CCDC90B: variants seen among roughly 807,000 people sequenced by gnomAD.
The protein encoded by CCDC90B is coiled-coil domain containing 90B.
Under a neutral mutation model 37.0 loss-of-function variants are expected in CCDC90B, and 24 were observed. The ratio of observed to expected loss-of-function variants is 0.65; its 90% CI spans 0.47 to 0.91. CCDC90B has a LOEUF of 0.91. CCDC90B is among the 40% of genes least tolerant of loss of function. CCDC90B has a pLI of 0.00. For missense variants in CCDC90B, 319 were observed against 299.0 expected (o/e 1.07, Z -0.49); for synonymous variants, 113 against 101.1 (o/e 1.12, Z -0.71).
Position 83,280,276 on chromosome 11 carries a change from AT to A in CCDC90B, c.101-17del. Reference sequence around the variant, plus strand: ...GTGAAGAACTCTGAAAGAGAAGACAATTTTTTTCTTTTGTAGTAACTGATAG... The same window carrying A: ...GTGAAGAACTCTGAAAGAGAAGACAATTTTTTCTTTTGTAGTAACTGATAG... On this transcript the variant is annotated splice_polypyrimidine_tract_variant and intron_variant, in intron 1 of 8. Transcript: ENST00000529689. 1 of 1,607,098 alleles carries A rather than the reference AT, an allele frequency of 6.2e-7. No homozygotes were observed. The highest frequency in any genetic ancestry group is 1.7e-5 in the Admixed American group (1 of 58,910).
intron 4 of CCDC90B, chr11:83,274,282 A>G: frequency 3.3e-6 from 1 of 304,314 alleles, no homozygotes; most frequent in Non-Finnish European, 5.9e-6. Flanking sequence ...AATTACAGAA[A>G]TATACTTTTA....
rs756244696 is a variant in CCDC90B at position 83,280,123 on chromosome 11, GGTATCCAT to G, written c.220+10_220+17del. ...TGCTATTAATTTTCTTCTTTCAGGA[GGTATCCAT>G]GTTTCTCACCATGAGTTTCCAAGTC... On this transcript the variant is annotated intron_variant, in intron 2 of 8. Coordinates refer to ENST00000529689, the MANE Select transcript of CCDC90B (RefSeq NM_021825.5). 5.6e-6 allele frequency: 9 copies of G among 1,606,036 alleles called. No homozygotes were observed. The highest frequency in any genetic ancestry group is 6.8e-6 in the Non-Finnish European group (8 of 1,178,046).
At chr11:83,269,374 GT>G (rs1864504469) in intron 7 of CCDC90B, among the ~76,000 whole-genome samples, 1 of 151,914 alleles carries the variant, frequency 6.6e-6, no homozygotes, top group Non-Finnish European at 1.5e-5. Context: ...CTAGGAGCTG[GT>G]TTTTTGAAAA....
intron 2 of CCDC90B, among the ~76,000 whole-genome samples, chr11:83,279,347 C>A (rs1175736261): frequency 6.6e-6 from 1 of 151,760 alleles, no homozygotes; most frequent in Admixed American, 6.6e-5. Context: ...TCTGTATCTC[C>A]CCACATCTAC....
At chr11:83,269,582 A>G (rs1864522616) in intron 7 of CCDC90B, among the ~76,000 whole-genome samples, 1 of 152,230 alleles carries the variant, frequency 6.6e-6, no homozygotes, top group African/African-American at 2.4e-5. Context: ...TCCTGGACAC[A>G]TATACCCTCC....
rs141381626 is a variant in CCDC90B, at chr11:83,284,554, A to C, written c.100+1319T>G. Among the ~76,000 whole-genome samples, 435 of 152,346 alleles carry C rather than the reference A, an allele frequency of 2.9e-3. 3 individuals carry two copies. The highest frequency in any genetic ancestry group is 9.8e-3 in the African/African-American group (408 of 41,578). On this transcript the variant is annotated intron_variant, in intron 1 of 8. Coordinates refer to ENST00000529689, the MANE Select transcript of CCDC90B (RefSeq NM_021825.5). The stretch of plus-strand genomic sequence containing the variant: ...AGGTCCTTCCATTGGTCAGAGGTCA[A>C]GGTTTTCAAATCCCTTGATTATTGA...
chr11:83,275,188 C>T (rs2135638992), intron 3 of CCDC90B, among the ~76,000 whole-genome samples: 1 of 152,146 alleles, frequency 6.6e-6, no homozygotes, highest in African/African-American at 2.4e-5. Flanking sequence ...AAATAATTGC[C>T]CTTTGTCCGC....
intron 1 of CCDC90B, 40 bp downstream of exon 1, chr11:83,285,833 G>C: frequency 6.3e-7 from 1 of 1,585,702 alleles, no homozygotes; most frequent in Non-Finnish European, 8.6e-7. Context: ...CGTCTCCCTA[G>C]AGAGCACTCA....
At chr11:83,265,776 CT>C in intron 8 of CCDC90B, 88 bp downstream of exon 8, 13 of 773,224 alleles carry the variant, frequency 1.7e-5, no homozygotes, top group Admixed American at 2.5e-5. Flanking sequence ...CTAGCTCCTC[CT>C]TTTTTTCCTG....
rs780164577 is a variant in CCDC90B at position 83,273,652 on chromosome 11, T to G, written c.589A>C (p.Lys197Gln). Residue 197 changes from lysine (K) to glutamine (Q), a missense_variant, in exon 7 of 9, where the codon AAA becomes CAA. Transcript: ENST00000529689. ...QLMETTTEFT[K>Q]KDTQTKSIIS... The stretch of plus-strand genomic sequence containing the variant: ...ATTTTTACATATTACTTTACCTTTT[T>G]TGTAAATTCTGTAGTTGTTTCCATA... 1.3e-6 allele frequency: 2 copies of G among 1,595,432 alleles called. No individual in the cohort carries two copies. Among genetic ancestry groups the G allele is most frequent in the Admixed American group, 3.5e-5 (2 of 56,760 alleles).
chr11:83,274,496 CAAAT>C (rs1864900528), intron 4 of CCDC90B, 139 bp downstream of exon 4: 1 of 516,702 alleles, frequency 1.9e-6, no homozygotes, highest in East Asian at 3.3e-5. Context: ...TATGGTTAAA[CAAAT>C]AGTATGTTTT....
chr11:83,263,295 A>G (rs1292718315), intron 8 of CCDC90B, among the ~76,000 whole-genome samples: 1 of 152,194 alleles, frequency 6.6e-6, no homozygotes, highest in Admixed American at 6.5e-5. Context: ...CTACTTCAGT[A>G]GAGTATACAA....
At chr11:83,265,291 C>T (rs1864185605) in intron 8 of CCDC90B, among the ~76,000 whole-genome samples, 1 of 152,232 alleles carries the variant, frequency 6.6e-6, no homozygotes, top group Non-Finnish European at 1.5e-5. Flanking sequence ...TCAGTTGATT[C>T]AAGGTAAGGT....
At chr11:83,274,602 A>C in intron 4 of CCDC90B, 37 bp downstream of exon 4, 2 of 1,218,754 alleles carry the variant, frequency 1.6e-6, no homozygotes, top group Non-Finnish European at 2.4e-6. Context: ...TTATGAGATC[A>C]GTTATTTTAT....
At chr11:83,280,793 T>G (rs1414080085) in intron 1 of CCDC90B, among the ~76,000 whole-genome samples, 1 of 152,240 alleles carries the variant, frequency 6.6e-6, no homozygotes, top group Non-Finnish European at 1.5e-5. Flanking sequence ...AGTTCCATGA[T>G]GCTTTGACTG....
At chr11:83,270,856 C>G (rs550152057) in intron 7 of CCDC90B, among the ~76,000 whole-genome samples, 1 of 152,314 alleles carries the variant, frequency 6.6e-6, no homozygotes, top group African/African-American at 2.4e-5. Context: ...AGGCATCAAG[C>G]TACCTGACTT....
chr11:83,282,020 C>G (rs1865410144), intron 1 of CCDC90B, among the ~76,000 whole-genome samples: 1 of 139,944 alleles, frequency 7.1e-6, no homozygotes, highest in African/African-American at 2.6e-5. Flanking sequence ...TGGCTTACCT[C>G]AAGCTTGTCG....
At chr11:83,285,155 A>T in intron 1 of CCDC90B, 1 of 1,274,884 alleles carries the variant, frequency 7.8e-7, no homozygotes, top group Non-Finnish European at 1.0e-6. Context: ...GAAGGTGAAC[A>T]GAGATAAGAG....
rs1863921391 is a variant in CCDC90B at position 83,261,452 on chromosome 11, C to G, written c.*459G>C. 1 of 152,286 alleles carries G rather than the reference C, an allele frequency of 6.6e-6. No homozygotes were observed. Among genetic ancestry groups the G allele is most frequent in the Non-Finnish European group, 1.5e-5 (1 of 68,120 alleles). 9.4% of individuals were successfully genotyped at this position (152,286 alleles called of 1,614,324 possible). On this transcript the variant is annotated 3_prime_UTR_variant, in exon 9 of 9. Transcript: ENST00000529689. ...TGGTAAGTCACTTTGAAAACCCACACAACTTTGTTGTAATAATCTTTCATT... is the reference window on the plus strand; with the variant it reads ...TGGTAAGTCACTTTGAAAACCCACAGAACTTTGTTGTAATAATCTTTCATT...
Sources: gnomAD v4.1 joint callset for allele counts (sites outside exome capture counted in the v4.1 genomes callset) on GRCh38, gnomAD v4.1.1 for gene constraint, MANE v1.5 for transcripts, NCBI Gene and HGNC (gene_info 2026-07-23, HGNC 2026-07-21) for gene names.